Variants in EXOC2 observed in about 807,000 individuals in gnomAD.
EXOC2 encodes SEC5-like 1.
EXOC2 carries 70 observed loss-of-function variants against 131.8 expected under a neutral mutation model. The ratio of observed to expected loss-of-function variants is 0.53; its 90% confidence interval spans 0.44 to 0.65. The LOEUF (loss-of-function observed/expected upper bound fraction) is 0.65, where lower values mean the gene tolerates loss of function less well. Ranked by LOEUF, EXOC2 falls within the 30% of genes least tolerant of loss-of-function variation. EXOC2 has a pLI of 0.00. For missense variants in EXOC2, 923 were observed against 1,108.6 expected, an observed-to-expected ratio of 0.83 and a Z score of 2.38; for synonymous variants, 411 against 398.4, an observed-to-expected ratio of 1.03 and a Z score of -0.38.
At chr6:596,994 G>C (rs1230926356) in intron 10 of EXOC2, among the ~76,000 whole-genome samples, 1 of 152,116 alleles carries the variant, frequency 6.6e-6, no homozygotes, top group Non-Finnish European at 1.5e-5. Context: ...ATGTATTTCT[G>C]ATTATCTTTG....
intron 11 of EXOC2, among the ~76,000 whole-genome samples, chr6:586,789 C>T (rs925141591): frequency 5.9e-5 from 9 of 152,196 alleles, no homozygotes; most frequent in Admixed American, 2.6e-4. Context: ...TGGACACCCA[C>T]TAGTCCCACC....
At chr6:514,643 A>G (rs1237437999) in intron 23 of EXOC2, among the ~76,000 whole-genome samples, 1 of 152,238 alleles carries the variant, frequency 6.6e-6, no homozygotes, top group East Asian at 1.9e-4. Context: ...GGCTGTGAAG[A>G]CACAGCTGCT....
At chr6:553,818 T>G (rs1311364481) in intron 21 of EXOC2, 36 bp downstream of exon 21, 1 of 1,572,214 alleles carries the variant, frequency 6.4e-7, no homozygotes, top group East Asian at 2.2e-5. Flanking sequence ...TACACAGTTT[T>G]AAAATGGTTT....
chr6:575,413 G>A (rs1250642899), intron 12 of EXOC2, among the ~76,000 whole-genome samples: 2 of 152,024 alleles, frequency 1.3e-5, no homozygotes, highest in African/African-American at 2.4e-5. Context: ...TTCCCTAAAT[G>A]GGAAATGGGT....
At position 633,075 on chromosome 6, in the gene EXOC2, C is replaced by T. The variant is rs751469728; in HGVS notation, c.161G>A (p.Trp54Ter). The change falls in exon 3 of 28, where the codon TGG becomes TAG. Residue 54 changes from tryptophan to a stop codon, truncating the protein, a stop_gained. Transcript: ENST00000230449. LOFTEE classifies it high-confidence loss of function. ...ACATACTATTTTACTTGCAGACATCCATTCTGCCGTCAGGAGGCAATTATG... is the reference window on the plus strand; with the variant it reads ...ACATACTATTTTACTTGCAGACATCTATTCTGCCGTCAGGAGGCAATTATG... Reference protein sequence around the residue: ...CGHNCLLTAEWMSASKIVCRV... With the variant: ...CGHNCLLTAE The T allele has an allele frequency of 6.2e-7, 1 of 1,613,838 alleles. No homozygotes were observed. Among genetic ancestry groups the T allele is most frequent in the African/African-American group, 1.3e-5 (1 of 74,934 alleles).
At chr6:572,390 G>T in intron 13 of EXOC2, 130 bp downstream of exon 13, 2 of 1,201,468 alleles carry the variant, frequency 1.7e-6, no homozygotes, top group South Asian at 1.7e-5. Flanking sequence ...TGCTTTAACT[G>T]ATTTTAAACT....
intron 23 of EXOC2, among the ~76,000 whole-genome samples, chr6:509,404 C>T (rs760163456): frequency 6.6e-6 from 1 of 152,200 alleles, no homozygotes; most frequent in Non-Finnish European, 1.5e-5. Context: ...AAAGGCCACA[C>T]AGAATTATAC....
At chr6:511,647 G>A (rs951700934) in intron 23 of EXOC2, among the ~76,000 whole-genome samples, 19 of 152,360 alleles carry the variant, frequency 1.2e-4, no homozygotes, top group Non-Finnish European at 2.2e-4. Context: ...GGGACAAGCC[G>A]CTCACCTGCA....
intron 11 of EXOC2, among the ~76,000 whole-genome samples, chr6:591,937 G>A (rs185631663): frequency 6.6e-6 from 1 of 152,098 alleles, no homozygotes; most frequent in African/African-American, 2.4e-5. Flanking sequence ...CTAATACGGA[G>A]GCTTCTCTGA....
chr6:535,351 C>G (rs1373600676), intron 22 of EXOC2, among the ~76,000 whole-genome samples: 1 of 151,968 alleles, frequency 6.6e-6, no homozygotes, highest in Non-Finnish European at 1.5e-5. Context: ...GGTAACAGAG[C>G]AAGACCCTGT....
chr6:632,015 C>T (rs943697886), intron 3 of EXOC2, among the ~76,000 whole-genome samples: 3 of 152,066 alleles, frequency 2.0e-5, no homozygotes, highest in African/African-American at 7.2e-5. Flanking sequence ...TTTAATTACG[C>T]CTCTGATATT....
At chr6:602,739 G>A (rs1009508255) in intron 7 of EXOC2, among the ~76,000 whole-genome samples, 14 of 152,144 alleles carry the variant, frequency 9.2e-5, no homozygotes, top group Admixed American at 7.2e-4. Context: ...TCACTGTCTC[G>A]GTCACACAGG....
At chr6:504,722 C>T (rs369068313) in intron 23 of EXOC2, among the ~76,000 whole-genome samples, 7 of 152,116 alleles carry the variant, frequency 4.6e-5, no homozygotes, top group African/African-American at 1.4e-4. Context: ...ATTTTGCTAA[C>T]GAAGCTGTTA....
intron 13 of EXOC2, among the ~76,000 whole-genome samples, chr6:569,604 C>T (rs908702649): frequency 3.9e-5 from 6 of 152,236 alleles, no homozygotes; most frequent in African/African-American, 9.6e-5. Flanking sequence ...ACTTGCAGAC[C>T]GGCAAGGGAA....
intron 1 of EXOC2, among the ~76,000 whole-genome samples, chr6:649,072 G>A (rs1762715341): frequency 6.6e-6 from 1 of 151,982 alleles, no homozygotes. Flanking sequence ...GGAGGGCCGT[G>A]GAAATTCACA....
chr6:495,903 C>G (rs1426695272), intron 25 of EXOC2, among the ~76,000 whole-genome samples: 1 of 152,080 alleles, frequency 6.6e-6, no homozygotes, highest in African/African-American at 2.4e-5. Context: ...CTTTTTTCCC[C>G]CAATTATCCT....
intron 4 of EXOC2, among the ~76,000 whole-genome samples, chr6:625,518 CTTTTTTT>C (rs796295514): frequency 0.036 from 3,876 of 108,084 alleles, 132 homozygotes; most frequent in African/African-American, 0.11. Flanking sequence ...TGTTTCCGTT[CTTTTTTT>C]TTTTTTTTTT....
chr6:599,365 T>C, intron 7 of EXOC2, 140 bp from the exon 8 acceptor site: 1 of 769,914 alleles, frequency 1.3e-6, no homozygotes, highest in Non-Finnish European at 1.9e-6. Flanking sequence ...GTTTAGGGGA[T>C]CTTTTATGGT....
Position 576,847 on chromosome 6 carries a change from C to G in EXOC2, c.1228G>C (p.Asp410His). The change falls in exon 12 of 28, where the codon GAT becomes CAT. Residue 410 changes from aspartate (D) to histidine (H), a missense_variant. Asp to His is a moderately conservative substitution (Grantham distance 81). Transcript: ENST00000230449. ...PGLHSPMLDL[D>H]NDTRPSVLGH... ...AACACTGAGGGACGTGTATCATTAT[C>G]AAGATCCAACATGGGACTGTGCAGG... 1.2e-6 allele frequency: 2 copies of G among 1,614,070 alleles called. No homozygotes were observed. The highest frequency in any genetic ancestry group is 1.7e-6 in the Non-Finnish European group (2 of 1,180,004).
Sources: allele counts gnomAD v4.1 joint callset (sites outside exome capture counted in the v4.1 genomes callset), GRCh38; gene constraint gnomAD v4.1.1; transcripts MANE v1.5; gene names NCBI Gene and HGNC (gene_info 2026-07-23, HGNC 2026-07-21).